Variants in WHAMM observed in about 807,000 individuals in gnomAD.
WHAMM encodes the protein WASP homolog associated with actin, golgi membranes and microtubules, also known as WASP homolog-associated protein with actin, membranes and microtubules.
WHAMM carries 67 observed loss-of-function variants against 76.5 expected under a neutral mutation model. The ratio of observed to expected loss-of-function variants is 0.88; its 90% CI spans 0.72 to 1.07. WHAMM has a LOEUF of 1.07. Among genes scored for constraint, WHAMM ranks in the 50% least tolerant of loss-of-function variants. WHAMM has a pLI of 0.00. For missense variants in WHAMM, 1,021 were observed against 1,051.1 expected (o/e 0.97, Z 0.40); for synonymous variants, 419 against 422.1 (o/e 0.99, Z 0.09).
intron 6 of WHAMM, among the ~76,000 whole-genome samples, chr15:82,823,936 A>C: frequency 6.6e-6 from 1 of 152,166 alleles, no homozygotes. Flanking sequence ...TTCTAAATAT[A>C]TTTTACTGTA....
chr15:82,822,081 T>A (rs973919900), intron 5 of WHAMM, among the ~76,000 whole-genome samples: 3 of 152,230 alleles, frequency 2.0e-5, no homozygotes, highest in African/African-American at 7.2e-5. Flanking sequence ...ACTCAGAAGG[T>A]TTGGGGAAGG....
chr15:82,825,449 C>T (rs2050915360), intron 6 of WHAMM, among the ~76,000 whole-genome samples: 1 of 152,058 alleles, frequency 6.6e-6, no homozygotes, highest in Admixed American at 6.6e-5. Context: ...TCCCCCTACC[C>T]CATTTAGAGG....
At chr15:82,818,214 G>A (rs2050760074) in intron 4 of WHAMM, 125 bp downstream of exon 4, 3 of 996,242 alleles carry the variant, frequency 3.0e-6, no homozygotes, top group Non-Finnish European at 4.3e-6. Flanking sequence ...GTGAAGTTTG[G>A]GCTTTTAGTG....
intron 8 of WHAMM, among the ~76,000 whole-genome samples, chr15:82,828,484 G>A (rs2151571585): frequency 6.6e-6 from 1 of 152,348 alleles, no homozygotes; most frequent in South Asian, 2.1e-4. Context: ...CACAGAGCCA[G>A]TGAGGTAGAG....
chr15:82,809,678 A>G lies in WHAMM; in HGVS notation c.-49A>G, dbSNP rs1209166798. On this transcript the variant is annotated 5_prime_UTR_variant, in exon 1 of 10. Coordinates refer to ENST00000286760, the MANE Select transcript of WHAMM (RefSeq NM_001080435.3). ...CTGTCCCGTGACAGGCGGTGCGAGG[A>G]GGCCAGGCCCGCGCCCGCCGAGCCC... is the stretch of plus-strand genomic sequence containing the variant. 3 of 1,308,756 alleles carry G rather than the reference A, an allele frequency of 2.3e-6. No homozygotes were observed. The highest frequency in any genetic ancestry group is 3.0e-6 in the Non-Finnish European group (3 of 1,014,750). 81.1% of individuals were successfully genotyped at this position (1,308,756 alleles called of 1,614,324 possible).
At position 82,813,293 on chromosome 15, in the gene WHAMM, T is replaced by G. The variant is rs1466472222; in HGVS notation, c.783+17T>G. The G allele has an allele frequency of 2.0e-6, 3 of 1,498,408 alleles. No individual in the cohort carries two copies. The highest frequency in any genetic ancestry group is 2.8e-5 in the African/African-American group (2 of 70,700). 92.8% of individuals were successfully genotyped at this position (1,498,408 alleles called of 1,614,324 possible). A position where few individuals can be genotyped will look rare whatever the true frequency, so the allele number is the denominator to read the frequency against. On this transcript the variant is annotated intron_variant, in intron 2 of 9. Coordinates refer to ENST00000286760, the MANE Select transcript of WHAMM (RefSeq NM_001080435.3). ...GATATTTTGGTATGTTTTTTTAAAA[T>G]TTTTACTTTATCAGATTTACTATTT...
intron 4 of WHAMM, among the ~76,000 whole-genome samples, chr15:82,818,787 G>A (rs191137152): frequency 6.6e-6 from 1 of 152,228 alleles, no homozygotes; most frequent in Non-Finnish European, 1.5e-5. Context: ...AGTTCTGGAG[G>A]CTGGAAAGTC....
At position 82,816,719 on chromosome 15, in the gene WHAMM, C is replaced by T. The variant is rs1382956445; in HGVS notation, c.811C>T (p.Pro271Ser). The change falls in exon 3 of 10, where the codon CCT becomes TCT. Residue 271 changes from proline to serine, a missense_variant. Transcript: ENST00000286760. ...GTCTTTGGATGAGGATGACCTAGGT[C>T]CTAGAAGGGTAGTTGCCCTGGAGAA... ...LKSLDEDDLGPRRVVALEKEA... is the reference protein window; with the variant it reads ...LKSLDEDDLGSRRVVALEKEA... 6.4e-7 allele frequency: 1 copy of T among 1,556,894 alleles called. No homozygotes were observed. Among genetic ancestry groups the T allele is most frequent in the African/African-American group, 1.4e-5 (1 of 73,384 alleles).
chr15:82,823,421 G>A (rs2050871478), intron 6 of WHAMM, 134 bp downstream of exon 6: 11 of 740,314 alleles, frequency 1.5e-5, no homozygotes, highest in Non-Finnish European at 2.1e-5. Flanking sequence ...CTTATCCATG[G>A]CTATAGTTAA....
At chr15:82,822,752 C>T (rs1401436994) in intron 5 of WHAMM, among the ~76,000 whole-genome samples, 3 of 152,082 alleles carry the variant, frequency 2.0e-5, no homozygotes, top group African/African-American at 4.8e-5. Flanking sequence ...AATGTATTTC[C>T]ATCCCATGGA....
chr15:82,820,896 C>CAAAAAAAAAAAAAAAAAAAAAAAA (rs60974626), intron 5 of WHAMM, among the ~76,000 whole-genome samples: 1 of 119,626 alleles, frequency 8.4e-6, no homozygotes. Flanking sequence ...GACTCTGTCT[C>CAAAAAAAAAAAAAAAAAAAAAAAA]AAAAAAAAAA....
rs754229398 is a variant in WHAMM at position 82,830,910 on chromosome 15, A to G, written c.1953A>G (p.Pro651=). 2.6e-5 allele frequency: 23 copies of G among 900,716 alleles called. No individual in the cohort carries two copies. Among genetic ancestry groups the G allele is most frequent in the Non-Finnish European group, 3.7e-5 (22 of 600,556 alleles). 55.8% of individuals were successfully genotyped at this position (900,716 alleles called of 1,614,324 possible). The part of the protein sequence containing the change: ...PPPPPPPPPP[P]PPPPPPPLRA... Reference sequence around the variant, plus strand: ...CTCCTCCACCACCACCACCGCCGCCACCGCCGCCCCCACCCCCTCCTCTCC... The same window carrying G: ...CTCCTCCACCACCACCACCGCCGCCGCCGCCGCCCCCACCCCCTCCTCTCC... The change falls in exon 9 of 10, where the codon CCA becomes CCG. Residue 651 remains proline (P), a synonymous_variant. Coordinates refer to ENST00000286760, the MANE Select transcript of WHAMM (RefSeq NM_001080435.3).
At chr15:82,813,897 C>T (rs568231247) in intron 2 of WHAMM, among the ~76,000 whole-genome samples, 18 of 151,846 alleles carry the variant, frequency 1.2e-4, no homozygotes, top group African/African-American at 2.7e-4. Context: ...TGACCTCAAG[C>T]GAGCTACCCA....
rs936454690 is a variant in WHAMM, at chr15:82,809,668, C to T, written c.-59C>T. 1.6e-6 allele frequency: 2 copies of T among 1,279,592 alleles called. No individual in the cohort carries two copies. Among genetic ancestry groups the T allele is most frequent in the South Asian group, 1.9e-5 (1 of 53,230 alleles). 79.3% of individuals were successfully genotyped at this position (1,279,592 alleles called of 1,614,324 possible). A position where few individuals can be genotyped will look rare whatever the true frequency, so the allele number is the denominator to read the frequency against. On this transcript the variant is annotated 5_prime_UTR_variant, in exon 1 of 10. Coordinates refer to ENST00000286760, the MANE Select transcript of WHAMM (RefSeq NM_001080435.3). Reference sequence around the variant, plus strand: ...TTGGCTCGGACTGTCCCGTGACAGGCGGTGCGAGGAGGCCAGGCCCGCGCC... The same window carrying T: ...TTGGCTCGGACTGTCCCGTGACAGGTGGTGCGAGGAGGCCAGGCCCGCGCC...
intron 8 of WHAMM, among the ~76,000 whole-genome samples, chr15:82,830,014 A>G (rs2050999915): frequency 6.6e-6 from 1 of 152,166 alleles, no homozygotes; most frequent in Non-Finnish European, 1.5e-5. Context: ...AGTAAGAGAA[A>G]AGAAATATCC....
Position 82,830,972 on chromosome 15 carries a change from A to C in WHAMM, c.2015A>C (p.Gln672Pro). ...LSSSSQAATH[Q>P]NLGFRAPVKD... ...TCATCCTCTCAAGCTGCAACTCATC[A>C]GAACTTAGGCTTCCGGGCTCCAGTG... Residue 672 changes from glutamine to proline, a missense_variant, in exon 9 of 10, where the codon CAG (glutamine) becomes CCG (proline). This residue lies in a region of WHAMM where 509 missense variants were observed against 492.3 expected (regional missense o/e 1.03). Coordinates refer to ENST00000286760, the MANE Select transcript of WHAMM (RefSeq NM_001080435.3). 1 of 1,597,482 alleles carries C rather than the reference A, an allele frequency of 6.3e-7. No homozygotes were observed. Among genetic ancestry groups the C allele is most frequent in the Non-Finnish European group, 8.5e-7 (1 of 1,178,088 alleles).
At position 82,813,566 on chromosome 15, in the gene WHAMM, A is replaced by G. The variant is rs11259951; in HGVS notation, c.783+290A>G. ...AGTTTATATTTAAAATTGATAGAAA[A>G]TGAAGACATTTACGTTGGTCATCTT... On this transcript the variant is annotated intron_variant, in intron 2 of 9. Transcript: ENST00000286760. 0.33 allele frequency among the ~76,000 whole-genome samples: 49,643 copies of G among 151,276 alleles called. 8,181 individuals are homozygous for G. Among genetic ancestry groups the G allele is most frequent in the Middle Eastern group, 0.37 (108 of 290 alleles).
At position 82,819,495 on chromosome 15, in the gene WHAMM, T is replaced by A. The variant is rs950605497; in HGVS notation, c.1270+7T>A. ...CTTAAAAGACTTATAAAAGGTAAAA[T>A]TTAAGTATATAGATTGCAATGTTTA... On this transcript the variant is annotated splice_region_variant and intron_variant, in intron 5 of 9. Coordinates refer to ENST00000286760, the MANE Select transcript of WHAMM (RefSeq NM_001080435.3). The A allele has an allele frequency of 5.9e-6, 7 of 1,189,714 alleles. No homozygotes were observed. The African/African-American group carries it at 1.1e-4, about 19-fold the overall frequency. The allele number at this position is 1,189,714 out of a possible 1,614,324, so 73.7% of individuals were successfully genotyped here. A position where few individuals can be genotyped will look rare whatever the true frequency, so the allele number is the denominator to read the frequency against.
chr15:82,818,560 G>A (rs1231045866), intron 4 of WHAMM, among the ~76,000 whole-genome samples: 1 of 152,114 alleles, frequency 6.6e-6, no homozygotes, highest in Admixed American at 6.5e-5. Flanking sequence ...TATTGAAATG[G>A]GTACTGTACT....
Sources: gnomAD v4.1 joint callset for allele counts (sites outside exome capture counted in the v4.1 genomes callset) on GRCh38, gnomAD v4.1.1 for gene constraint, gnomAD v4.1.1 regional missense constraint, MANE v1.5 for transcripts, NCBI Gene and HGNC (gene_info 2026-07-23, HGNC 2026-07-21) for gene names.